Variants in GIPC2 observed in about 807,000 individuals in gnomAD.
GIPC2 encodes GIPC PDZ domain containing family member 2.
GIPC2 carries 30 observed loss-of-function variants against 30.6 expected under a neutral mutation model. The ratio of observed to expected loss-of-function variants is 0.98; its 90% confidence interval spans 0.73 to 1.33. The LOEUF is 1.33. Among genes scored for constraint, GIPC2 ranks in the 40% most tolerant of loss-of-function variants. The pLI, the probability that GIPC2 is intolerant of heterozygous loss-of-function variation, is 0.00. For synonymous variants in GIPC2, 167 were observed against 150.0 expected (o/e 1.11, Z -0.83); for missense variants, 414 against 390.3 (o/e 1.06, Z -0.51).
intron 3 of GIPC2, among the ~76,000 whole-genome samples, chr1:78,116,623 A>G (rs1662572015): frequency 1.3e-5 from 2 of 151,436 alleles, no homozygotes; most frequent in South Asian, 4.2e-4. Flanking sequence ...TTCTGTCCTT[A>G]CGCTAGTTTG....
At chr1:78,105,324 G>C (rs145878029) in intron 3 of GIPC2, among the ~76,000 whole-genome samples, 2,450 of 145,992 alleles carry the variant, frequency 0.017, 60 homozygotes, top group African/African-American at 0.058. Flanking sequence ...GTCTCACTGT[G>C]TCACCAGGCT....
Position 78,046,179 on chromosome 1 carries a change from G to A in GIPC2, c.85G>A (p.Gly29Ser), listed in dbSNP as rs758888267. ...GGAGGGCGAGCCGACGGGCGCGGGC[G>A]GCGGGAGCCTCTCAGCGTCCCGGGC... ...LVEGEPTGAG[G>S]GSLSASRAPA... The change falls in exon 1 of 6, where the codon GGC becomes AGC. Residue 29 changes from glycine to serine, a missense_variant. By Grantham distance (56) the Gly-to-Ser change is moderately conservative. Transcript: ENST00000370759. 2 of 1,569,218 alleles carry A rather than the reference G, an allele frequency of 1.3e-6. No individual in the cohort carries two copies. The highest frequency in any genetic ancestry group is 2.4e-5 in the East Asian group (1 of 41,394).
chr1:78,132,728 G>C (rs180901534), intron 5 of GIPC2, among the ~76,000 whole-genome samples: 4 of 151,264 alleles, frequency 2.6e-5, no homozygotes, highest in Non-Finnish European at 5.9e-5. Context: ...GTGTCCATCA[G>C]TGAACATCTG....
intron 1 of GIPC2, among the ~76,000 whole-genome samples, chr1:78,055,903 C>T (rs541662429): frequency 6.6e-6 from 1 of 152,252 alleles, no homozygotes; most frequent in South Asian, 2.1e-4. Context: ...CTTCCATGGC[C>T]TGTTTAGAAA....
rs781317492 is a variant in GIPC2, at chr1:78,046,360, C to T, written c.240+26C>T. 6.9e-6 allele frequency: 11 copies of T among 1,585,464 alleles called. No homozygotes were observed. The South Asian group carries it at 1.1e-4, about 16-fold the overall frequency. On this transcript the variant is annotated intron_variant, in intron 1 of 5. Coordinates refer to ENST00000370759, the MANE Select transcript of GIPC2 (RefSeq NM_017655.6). ...GTAAGGCGCCAGGTGCTCAGGCTCTCCCGCCTCTCCGCCGCGCCGCGCCGC... is the reference window on the plus strand; with the variant it reads ...GTAAGGCGCCAGGTGCTCAGGCTCTTCCGCCTCTCCGCCGCGCCGCGCCGC...
intron 3 of GIPC2, among the ~76,000 whole-genome samples, chr1:78,096,793 A>G (rs1482194536): frequency 6.6e-6 from 1 of 152,192 alleles, no homozygotes; most frequent in Non-Finnish European, 1.5e-5. Flanking sequence ...ATAGAGGTAT[A>G]TTATTTGAGC....
intron 1 of GIPC2, among the ~76,000 whole-genome samples, chr1:78,078,015 C>T (rs962967790): frequency 2.4e-4 from 37 of 151,154 alleles, no homozygotes; most frequent in Non-Finnish European, 4.0e-4. Flanking sequence ...GGTGAAACCC[C>T]GTCTCTACTA....
intron 3 of GIPC2, among the ~76,000 whole-genome samples, chr1:78,103,556 T>C (rs910791362): frequency 1.3e-5 from 2 of 152,210 alleles, no homozygotes; most frequent in African/African-American, 4.8e-5. Flanking sequence ...AAACTGAGGC[T>C]TGGGCAGTTA....
intron 3 of GIPC2, among the ~76,000 whole-genome samples, chr1:78,105,348 G>A (rs1274785079): frequency 2.0e-5 from 3 of 149,206 alleles, no homozygotes; most frequent in Admixed American, 1.3e-4. Flanking sequence ...GTGCAGTGGT[G>A]CGATCTCAGC....
intron 1 of GIPC2, among the ~76,000 whole-genome samples, chr1:78,060,270 A>G (rs1040388040): frequency 2.0e-5 from 3 of 151,686 alleles, no homozygotes; most frequent in Non-Finnish European, 4.4e-5. Flanking sequence ...TCAGCCTCCC[A>G]AGTAACTAGG....
chr1:78,087,688 G>A (rs1230786780), intron 2 of GIPC2, among the ~76,000 whole-genome samples: 1 of 152,188 alleles, frequency 6.6e-6, no homozygotes, highest in East Asian at 1.9e-4. Context: ...ATATCATTCT[G>A]AACATTGGAA....
chr1:78,120,689 C>T (rs1293833994), intron 4 of GIPC2, among the ~76,000 whole-genome samples: 1 of 152,158 alleles, frequency 6.6e-6, no homozygotes, highest in Non-Finnish European at 1.5e-5. Context: ...TGGCAGTAGG[C>T]AAGAAAGCAT....
chr1:78,129,738 T>C (rs1052652864), intron 5 of GIPC2, among the ~76,000 whole-genome samples: 2 of 152,212 alleles, frequency 1.3e-5, no homozygotes, highest in South Asian at 2.1e-4. Flanking sequence ...AGACCTCACA[T>C]GGTCTTGACC....
chr1:78,101,250 G>A (rs996450050), intron 3 of GIPC2, among the ~76,000 whole-genome samples: 2 of 152,066 alleles, frequency 1.3e-5, no homozygotes, highest in East Asian at 1.9e-4. Flanking sequence ...CTTGTCCCAC[G>A]AGCAGATGTT....
intron 1 of GIPC2, among the ~76,000 whole-genome samples, chr1:78,064,025 A>G (rs1476167425): frequency 6.6e-6 from 1 of 152,234 alleles, no homozygotes; most frequent in African/African-American, 2.4e-5. Flanking sequence ...TAGTGCAACA[A>G]CAGGAGCAGA....
At chr1:78,054,896 C>A in intron 1 of GIPC2, among the ~76,000 whole-genome samples, 1 of 152,172 alleles carries the variant, frequency 6.6e-6, no homozygotes, top group Non-Finnish European at 1.5e-5. Context: ...CCTCTTCAAA[C>A]CCTGGCTACC....
intron 1 of GIPC2, among the ~76,000 whole-genome samples, chr1:78,077,651 A>G (rs1163258080): frequency 6.6e-6 from 1 of 152,214 alleles, no homozygotes; most frequent in Non-Finnish European, 1.5e-5. Flanking sequence ...AGAGAGTGTT[A>G]TATTTTAAAA....
chr1:78,100,958 A>G (rs894881433), intron 3 of GIPC2, among the ~76,000 whole-genome samples: 2 of 150,254 alleles, frequency 1.3e-5, no homozygotes, highest in African/African-American at 4.9e-5. Context: ...ACACACACAC[A>G]CACACACACA....
rs1364970577 is a variant in GIPC2 at position 78,138,016 on chromosome 1, A to G, written c.*2273A>G. On this transcript the variant is annotated 3_prime_UTR_variant, in exon 6 of 6. Coordinates refer to ENST00000370759, the MANE Select transcript of GIPC2 (RefSeq NM_017655.6). The stretch of plus-strand genomic sequence containing the variant: ...TTTTCTGTAGGCTTTTTTTTTTTAA[A>G]TGGAAGATGATTATTTTGTTTGTTC... The G allele has an allele frequency of 1.3e-5, 2 of 149,630 alleles. No homozygotes were observed. The highest frequency in any genetic ancestry group is 3.2e-3 in the Middle Eastern group (1 of 314). The allele number at this position is 149,630 out of a possible 1,614,324, so 9.3% of individuals were successfully genotyped here. A position where few individuals can be genotyped will look rare whatever the true frequency, so the allele number is the denominator to read the frequency against.
Sources: allele counts gnomAD v4.1 joint callset (sites outside exome capture counted in the v4.1 genomes callset), GRCh38; gene constraint gnomAD v4.1.1; transcripts MANE v1.5; gene names NCBI Gene and HGNC (gene_info 2026-07-23, HGNC 2026-07-21).